Variants in ULK4 observed in about 807,000 individuals in gnomAD.
ULK4 encodes unc-51 like kinase 4.
A neutral mutation model predicts 160.6 loss-of-function variants in ULK4; 133 were observed. The ratio of observed to expected loss-of-function variants is 0.83; its 90% CI spans 0.72 to 0.96. ULK4 has a LOEUF of 0.96. ULK4 is among the 40% of genes least tolerant of loss of function. The probability of loss-of-function intolerance (pLI) is 0.00; values close to 1 mark genes in which losing one functional copy is unlikely to be tolerated. For missense variants in ULK4, 1,580 were observed against 1,499.5 expected, an observed-to-expected ratio of 1.05 and a Z score of -0.89; for synonymous variants, 534 against 539.8, an observed-to-expected ratio of 0.99 and a Z score of 0.15.
chr3:41,538,091 C>A (rs2086570479), intron 32 of ULK4, among the ~76,000 whole-genome samples: 1 of 152,112 alleles, frequency 6.6e-6, no homozygotes, highest in Non-Finnish European at 1.5e-5. Flanking sequence ...CAAAGCCAAA[C>A]CTCTTTCTAA....
chr3:41,918,451 T>G lies in ULK4; in HGVS notation c.727+6A>C, dbSNP rs577763078. The stretch of plus-strand genomic sequence containing the variant: ...AATTAATTCCATTTATCATAAGAAA[T>G]CTTACCTTTCGGAATAGGTGGCAAA... On this transcript the variant is annotated splice_donor_region_variant and intron_variant, in intron 7 of 36. Coordinates refer to ENST00000301831, the MANE Select transcript of ULK4 (RefSeq NM_017886.4). The G allele has an allele frequency of 6.4e-7, 1 of 1,559,366 alleles. No homozygotes were observed. Among genetic ancestry groups the G allele is most frequent in the South Asian group, 1.2e-5 (1 of 81,334 alleles).
At chr3:41,937,780 CTAAT>C in intron 3 of ULK4, 1 of 205,262 alleles carries the variant, frequency 4.9e-6, no homozygotes, top group African/African-American at 2.3e-5. Context: ...AATTTATTAG[CTAAT>C]TAATAGCTAG....
rs551517028 is a variant in ULK4 at position 41,704,621 on chromosome 3, T to A, written c.2781+436A>T. Among the ~76,000 whole-genome samples the A allele has an allele frequency of 2.6e-5, 4 of 152,226 alleles. No homozygotes were observed. In the South Asian group the frequency reaches 8.3e-4, roughly 32 times the overall value. On this transcript the variant is annotated intron_variant, in intron 27 of 36. Coordinates refer to ENST00000301831, the MANE Select transcript of ULK4 (RefSeq NM_017886.4). ...CAATGTGTAGAGACAATTTTGGTTGTCATAACTGAAGGGAGACGGAGTGGG... is the reference window on the plus strand; with the variant it reads ...CAATGTGTAGAGACAATTTTGGTTGACATAACTGAAGGGAGACGGAGTGGG...
intron 3 of ULK4, 125 bp from the exon 4 acceptor site, chr3:41,936,065 G>T: frequency 8.1e-7 from 1 of 1,240,298 alleles, no homozygotes; most frequent in Non-Finnish European, 1.1e-6. Context: ...TGACAGCCTG[G>T]TCAAGGAACA....
At chr3:41,423,477 C>A (rs533632147) in intron 34 of ULK4, among the ~76,000 whole-genome samples, 28 of 152,242 alleles carry the variant, frequency 1.8e-4, no homozygotes, top group African/African-American at 6.7e-4. Flanking sequence ...CCTTTAACAA[C>A]TCTAATAATA....
intron 21 of ULK4, among the ~76,000 whole-genome samples, chr3:41,786,358 T>A (rs1397561673): frequency 6.6e-6 from 1 of 152,084 alleles, no homozygotes; most frequent in Non-Finnish European, 1.5e-5. Flanking sequence ...TCCCAGCACC[T>A]TGGGAGGCTG....
chr3:41,560,988 T>C (rs1575415527), intron 32 of ULK4, among the ~76,000 whole-genome samples: 1 of 152,298 alleles, frequency 6.6e-6, no homozygotes, highest in Non-Finnish European at 1.5e-5. Flanking sequence ...CAGTATGATA[T>C]TGGCTGTGGG....
intron 19 of ULK4, among the ~76,000 whole-genome samples, chr3:41,800,637 C>G (rs6599178): frequency 1.1e-4 from 17 of 151,978 alleles, no homozygotes; most frequent in Non-Finnish European, 2.5e-4. Context: ...AACATAAAAA[C>G]TGGAAGATAA....
chr3:41,473,652 A>T (rs2084052515), intron 32 of ULK4, among the ~76,000 whole-genome samples: 2 of 125,396 alleles, frequency 1.6e-5, no homozygotes, highest in Admixed American at 8.3e-5. Context: ...ACAGAATGAG[A>T]TTCTGTCTCA....
intron 35 of ULK4, among the ~76,000 whole-genome samples, chr3:41,250,076 G>C (rs1245033972): frequency 6.6e-6 from 1 of 152,162 alleles, no homozygotes; most frequent in Non-Finnish European, 1.5e-5. Flanking sequence ...GTGTGCCCAT[G>C]CTAATCGCCA....
chr3:41,640,291 T>C (rs1467916430), intron 30 of ULK4, among the ~76,000 whole-genome samples: 2 of 152,184 alleles, frequency 1.3e-5, no homozygotes, highest in Non-Finnish European at 2.9e-5. Flanking sequence ...AGTCATTTCT[T>C]AAAAATGACT....
intron 34 of ULK4, among the ~76,000 whole-genome samples, chr3:41,421,420 ATTGACT>A (rs1559588884): frequency 6.6e-6 from 1 of 152,158 alleles, no homozygotes; most frequent in African/African-American, 2.4e-5. Flanking sequence ...AATGTTTACT[ATTGACT>A]TTAAGAAAAT....
intron 35 of ULK4, among the ~76,000 whole-genome samples, chr3:41,359,507 GGA>G (rs903618897): frequency 9.8e-5 from 15 of 152,288 alleles, no homozygotes; most frequent in Non-Finnish European, 1.2e-4. Context: ...AGAAACCAAG[GGA>G]GAGAGTGTTC....
intron 18 of ULK4, among the ~76,000 whole-genome samples, chr3:41,822,406 T>A (rs910207554): frequency 6.6e-6 from 1 of 152,196 alleles, no homozygotes; most frequent in Non-Finnish European, 1.5e-5. Context: ...GTTTTTCTTG[T>A]TTTTTGTCGT....
At chr3:41,741,248 T>A (rs1385014527) in intron 22 of ULK4, among the ~76,000 whole-genome samples, 2 of 151,956 alleles carry the variant, frequency 1.3e-5, no homozygotes, top group African/African-American at 2.4e-5. Flanking sequence ...CCTCCTCAGA[T>A]AACCAATTTG....
chr3:41,285,046 T>C (rs6769851), intron 35 of ULK4, among the ~76,000 whole-genome samples: 37,922 of 152,070 alleles, frequency 0.25, 7,000 homozygotes, highest in African/African-American at 0.52. Flanking sequence ...TGTGATACCA[T>C]CTTACTCCTG....
rs753184017 is a variant in ULK4 at position 41,931,853 on chromosome 3, TA to T, written c.531del (p.Ser177ArgfsTer15). The T allele has an allele frequency of 1.3e-5, 21 of 1,614,144 alleles. No homozygotes were observed. The South Asian group carries it at 2.3e-4, about 18-fold the overall frequency. On this transcript the variant is annotated frameshift_variant, in exon 5 of 37. Coordinates refer to ENST00000301831, the MANE Select transcript of ULK4 (RefSeq NM_017886.4). LOFTEE classifies it high-confidence loss of function. ...TTCCAGGTCCACATACCTTTGACTC[TA>T]CTTTTCATGCTTTTCTTCAGGACAT... ...GENVLKKSMKSRVKGSPVYTA... is the reference protein window; with the variant it reads ...GENVLKKSMKXRVKGSPVYTA...
chr3:41,869,755 T>C (rs533334256), intron 17 of ULK4, among the ~76,000 whole-genome samples: 18 of 152,340 alleles, frequency 1.2e-4, no homozygotes, highest in Middle Eastern at 3.4e-3. Flanking sequence ...CTGGCCTTAA[T>C]AGATTTAACA....
intron 32 of ULK4, among the ~76,000 whole-genome samples, chr3:41,522,789 T>C (rs1275759345): frequency 6.6e-6 from 1 of 152,190 alleles, no homozygotes; most frequent in Non-Finnish European, 1.5e-5. Context: ...TTCATTGTGT[T>C]CCAAAGCAAA....
Sources: allele counts gnomAD v4.1 joint callset (sites outside exome capture counted in the v4.1 genomes callset), GRCh38; gene constraint gnomAD v4.1.1; transcripts MANE v1.5; gene names NCBI Gene and HGNC (gene_info 2026-07-23, HGNC 2026-07-21).